Variants in STK3 observed in about 807,000 individuals in gnomAD.
STK3 encodes the protein serine/threonine kinase 3, also known as serine/threonine-protein kinase 3.
In STK3, 41 loss-of-function variants were observed where a neutral mutation model predicts 58.0. The observed-to-expected ratio is 0.71, with a 90% confidence interval of 0.55 to 0.92. The LOEUF is 0.92. Ranked by LOEUF, STK3 falls within the 40% of genes least tolerant of loss-of-function variation. The pLI, the probability that STK3 is intolerant of heterozygous loss-of-function variation, is 0.00. For synonymous variants in STK3, 170 were observed against 191.0 expected, an observed-to-expected ratio of 0.89 and a Z score of 0.91; for missense variants, 479 against 602.7, an observed-to-expected ratio of 0.79 and a Z score of 2.15.
intron 1 of STK3, among the ~76,000 whole-genome samples, chr8:98,897,462 C>A (rs1838497221): frequency 1.3e-5 from 2 of 151,556 alleles, no homozygotes; most frequent in Non-Finnish European, 2.9e-5. Context: ...ACTCCGGAGG[C>A]TGAGGCAGGA....
At chr8:98,429,489 T>C in intron 3 of STK3, 2 of 1,055,302 alleles carry the variant, frequency 1.9e-6, no homozygotes, top group South Asian at 1.5e-5. Context: ...AGGCACCTTA[T>C]GGTTATGGTG....
chr8:98,359,782 T>C, the STK3 span, among the ~76,000 whole-genome samples: 2 of 152,168 alleles, frequency 1.3e-5, no homozygotes, highest in Admixed American at 6.5e-5. Flanking sequence ...CTCCAGACTC[T>C]CATCTCTGGG....
the STK3 span, among the ~76,000 whole-genome samples, chr8:98,355,091 G>A: frequency 6.6e-6 from 1 of 152,124 alleles, no homozygotes; most frequent in Non-Finnish European, 1.5e-5. Flanking sequence ...AAGAGTGTCA[G>A]TATTTCAATA....
chr8:98,683,472 T>C (rs971595761), intron 6 of STK3, among the ~76,000 whole-genome samples: 1 of 152,058 alleles, frequency 6.6e-6, no homozygotes, highest in African/African-American at 2.4e-5. Context: ...AAAATATTTA[T>C]TGGATATTCT....
rs769774971 is a variant in STK3, at chr8:98,749,312, G to A, written c.315C>T (p.Gly105=). The change falls in exon 4 of 11, where the codon GGC becomes GGT. Residue 105 remains glycine, a synonymous_variant. Transcript: ENST00000419617. Reference sequence around the variant, plus strand: ...GTAATCTAATTATGTCTGAGACAGAGCCAGCGCCACAGTACTCCATAACAA... The same window carrying A: ...GTAATCTAATTATGTCTGAGACAGAACCAGCGCCACAGTACTCCATAACAA... ...LWIVMEYCGA[G]SVSDIIRLRN... 2.5e-6 allele frequency: 4 copies of A among 1,609,072 alleles called. No individual in the cohort carries two copies. In the South Asian group the frequency reaches 3.3e-5, roughly 13 times the overall value.
chr8:98,802,166 T>C (rs953477020), intron 1 of STK3, among the ~76,000 whole-genome samples: 5 of 152,174 alleles, frequency 3.3e-5, no homozygotes, highest in African/African-American at 1.2e-4. Flanking sequence ...AGCAAGACCC[T>C]GTCTCTTAAA....
intron 6 of STK3, among the ~76,000 whole-genome samples, chr8:98,648,567 G>C (rs1232338288): frequency 6.6e-6 from 1 of 152,132 alleles, no homozygotes; most frequent in Admixed American, 6.5e-5. Context: ...CCAATATTGA[G>C]TGGAGCCATA....
intron 1 of STK3, among the ~76,000 whole-genome samples, chr8:98,934,928 A>AAAAT (rs1264719408): frequency 1.3e-5 from 2 of 152,146 alleles, no homozygotes; most frequent in African/African-American, 4.8e-5. Context: ...AAAATAAAAT[A>AAAAT]AAATAAAATA....
chr8:98,799,551 T>C (rs572791579), intron 1 of STK3, among the ~76,000 whole-genome samples: 30 of 152,318 alleles, frequency 2.0e-4, no homozygotes, highest in Non-Finnish European at 3.2e-4. Context: ...AGGTATATTC[T>C]TCTTATGTGG....
chr8:98,599,864 G>C (rs1174985937), intron 6 of STK3, among the ~76,000 whole-genome samples: 2 of 152,018 alleles, frequency 1.3e-5, no homozygotes, highest in Non-Finnish European at 2.9e-5. Flanking sequence ...CCAGCTACTA[G>C]GGTGGCTGAG....
rs1240118743 is a variant in STK3, at chr8:98,800,600, G to A, written c.26+24915C>T. Among the ~76,000 whole-genome samples, 1 of 152,182 alleles carries A rather than the reference G, an allele frequency of 6.6e-6. No individual in the cohort carries two copies. The highest frequency in any genetic ancestry group is 2.4e-5 in the African/African-American group (1 of 41,450). On this transcript the variant is annotated intron_variant, in intron 1 of 10. Coordinates refer to ENST00000419617, the MANE Select transcript of STK3 (RefSeq NM_006281.4). The surrounding 1 kb of genome is among the most constrained non-coding windows in gnomAD (Gnocchi z 4.8). ...GGAAGGTGTGGAGGGAGAAGCGTGGGCAGGAACCAGGACTGCGCGCAGCAC... is the reference window on the plus strand; with the variant it reads ...GGAAGGTGTGGAGGGAGAAGCGTGGACAGGAACCAGGACTGCGCGCAGCAC...
At chr8:98,825,457 C>A in intron 1 of STK3, 58 bp downstream of exon 1, 1 of 1,426,754 alleles carries the variant, frequency 7.0e-7, no homozygotes, top group Non-Finnish European at 9.3e-7. Flanking sequence ...CCTAGCCACC[C>A]CCGCCCCGCG....
intron 6 of STK3, among the ~76,000 whole-genome samples, chr8:98,670,321 C>T (rs1016879090): frequency 2.0e-5 from 3 of 152,012 alleles, no homozygotes; most frequent in Non-Finnish European, 4.4e-5. Context: ...GTGATCGCAC[C>T]ACTGCTCTCC....
intron 4 of STK3, among the ~76,000 whole-genome samples, chr8:98,740,201 C>G (rs1829068246): frequency 6.6e-6 from 1 of 152,262 alleles, no homozygotes; most frequent in Admixed American, 6.5e-5. Context: ...CTTCCCCAAT[C>G]TAGCAAGGCA....
In STK3 at chr8:98,914,490, A is replaced by ACT. The variant is rs777404597; in HGVS notation, c.-79+27887_-79+27888insAG. Among the ~76,000 whole-genome samples, 993 of 123,060 alleles carry ACT rather than the reference A, an allele frequency of 8.1e-3. 8 individuals are homozygous for ACT. The highest frequency in any genetic ancestry group is 0.056 in the Middle Eastern group (14 of 250). The allele number at this position is 123,060 out of a possible 152,430, so 80.7% of individuals were successfully genotyped here. On this transcript the variant is annotated intron_variant, in intron 1 of 1. Transcript: ENST00000519420. Reference sequence around the variant, plus strand: ...CACACACACACACACACACACACACACACTCTCTCTCTCTCTCTCTTCACT... The same window carrying ACT: ...CACACACACACACACACACACACACACTCACTCTCTCTCTCTCTCTCTTCACT...
rs1828858582 is a variant in STK3, at chr8:98,738,710, T to C, written c.351+10566A>G. Among the ~76,000 whole-genome samples, 6 of 152,282 alleles carry C rather than the reference T, an allele frequency of 3.9e-5. No homozygotes were observed. The South Asian group carries it at 1.2e-3, about 32-fold the overall frequency. On this transcript the variant is annotated intron_variant, in intron 4 of 10. Coordinates refer to ENST00000419617, the MANE Select transcript of STK3 (RefSeq NM_006281.4). The stretch of plus-strand genomic sequence containing the variant: ...ATTTCCATCTGAGGTACCAGGTTCA[T>C]CTCACTAGAGAGTGCCAGACAGTGG...
intron 10 of STK3, among the ~76,000 whole-genome samples, chr8:98,520,814 A>T (rs1825302703): frequency 6.6e-6 from 1 of 152,068 alleles, no homozygotes; most frequent in African/African-American, 2.4e-5. Context: ...GGAATGAATA[A>T]GACCAGATTT....
chr8:98,518,029 T>C (rs1825067782), intron 10 of STK3, among the ~76,000 whole-genome samples: 1 of 152,110 alleles, frequency 6.6e-6, no homozygotes, highest in African/African-American at 2.4e-5. Flanking sequence ...AATGTAATCT[T>C]CTAAATAAAT....
In STK3 at chr8:98,579,706, A is replaced by C. The variant is rs1317615834; in HGVS notation, c.906T>G (p.His302Gln). Residue 302 changes from histidine to glutamine, a missense_variant, in exon 8 of 11, where the codon CAT becomes CAG. By Grantham distance (24) the His-to-Gln change is conservative (BLOSUM62 0). Coordinates refer to ENST00000419617, the MANE Select transcript of STK3 (RefSeq NM_006281.4). ...TEAMEIKAKR[H>Q]EEQQRELEEE... ...CTTCCAATTCTCGTTGCTGTTCCTC[A>C]TGTCTTTTAGCTTTGATCTCCATAG... is the stretch of plus-strand genomic sequence containing the variant. The C allele has an allele frequency of 1.9e-6, 3 of 1,610,442 alleles. No homozygotes were observed. The highest frequency in any genetic ancestry group is 1.1e-5 in the South Asian group (1 of 90,270).
Sources: gnomAD v4.1 joint callset for allele counts (sites outside exome capture counted in the v4.1 genomes callset) on GRCh38, gnomAD v4.1.1 for gene constraint, Gnocchi (gnomAD v3.1) non-coding constraint, MANE v1.5 for transcripts, NCBI Gene and HGNC (gene_info 2026-07-23, HGNC 2026-07-21) for gene names.